Variants in MAP2K4 observed in about 807,000 individuals in gnomAD.
MAP2K4 encodes the protein mitogen-activated protein kinase kinase 4, also known as dual specificity mitogen-activated protein kinase kinase 4.
In MAP2K4, 4 loss-of-function variants were observed where a neutral mutation model predicts 48.5. That is an observed-to-expected ratio of 0.08 (90% CI 0.04 to 0.19). The LOEUF (loss-of-function observed/expected upper bound fraction) is 0.19. Ranked by LOEUF, MAP2K4 falls within the 10% of genes least tolerant of loss-of-function variation. The pLI is 1.00. For synonymous variants in MAP2K4, 166 were observed against 173.1 expected (o/e 0.96, Z 0.32); for missense variants, 258 against 493.3 (o/e 0.52, Z 4.52).
intron 9 of MAP2K4, among the ~76,000 whole-genome samples, chr17:12,131,199 C>T (rs1462299597): frequency 6.7e-6 from 1 of 150,074 alleles, no homozygotes; most frequent in African/African-American, 2.4e-5. Context: ...GAACCCATTA[C>T]GATCTGGACT....
chr17:12,032,680 T>C (rs1969477122), intron 1 of MAP2K4, among the ~76,000 whole-genome samples: 1 of 152,196 alleles, frequency 6.6e-6, no homozygotes, highest in African/African-American at 2.4e-5. Flanking sequence ...GCTTTAAGAT[T>C]GAATTATTAT....
chr17:12,044,729 CG>C (rs1969904503), intron 1 of MAP2K4, among the ~76,000 whole-genome samples: 1 of 152,212 alleles, frequency 6.6e-6, no homozygotes, highest in Admixed American at 6.5e-5. Context: ...CAGATCCCAC[CG>C]GTTGAGGGCT....
chr17:12,064,899 T>TA (rs1192883577), intron 2 of MAP2K4, among the ~76,000 whole-genome samples: 2 of 152,200 alleles, frequency 1.3e-5, no homozygotes, highest in Non-Finnish European at 2.9e-5. Flanking sequence ...AAAATACTGA[T>TA]ACCTGCAGTC....
intron 1 of MAP2K4, among the ~76,000 whole-genome samples, chr17:12,022,823 C>T (rs1260598913): frequency 6.6e-6 from 1 of 152,150 alleles, no homozygotes; most frequent in Non-Finnish European, 1.5e-5. Context: ...TAATAGAGGG[C>T]AGTCCGCTTG....
intron 1 of MAP2K4, among the ~76,000 whole-genome samples, chr17:12,051,814 T>C (rs377021003): frequency 2.0e-5 from 3 of 152,134 alleles, no homozygotes; most frequent in East Asian, 1.9e-4. Context: ...CTTTCGGTTT[T>C]GATTTTTTTG....
At chr17:12,066,761 C>G (rs1444872934) in intron 2 of MAP2K4, among the ~76,000 whole-genome samples, 1 of 152,166 alleles carries the variant, frequency 6.6e-6, no homozygotes, top group African/African-American at 2.4e-5. Context: ...GTGATCTCCG[C>G]TCACTGCAAG....
chr17:12,084,733 G>A lies in MAP2K4; in HGVS notation c.393+3203G>A, dbSNP rs139592655. On this transcript the variant is annotated intron_variant, in intron 3 of 10. Coordinates refer to ENST00000353533, the MANE Select transcript of MAP2K4 (RefSeq NM_003010.4). ...ACAACACATCAATTAACATATAGAT[G>A]AGGAGTACCTCATCTATATGTTAAC... 2.9e-3 allele frequency among the ~76,000 whole-genome samples: 449 copies of A among 152,246 alleles called. 3 individuals are homozygous for A. Among genetic ancestry groups the A allele is most frequent in the African/African-American group, 0.01 (436 of 41,550 alleles).
At chr17:12,059,055 A>G (rs1443093791) in intron 2 of MAP2K4, among the ~76,000 whole-genome samples, 2 of 152,190 alleles carry the variant, frequency 1.3e-5, no homozygotes, top group Admixed American at 6.5e-5. Flanking sequence ...TTGGAGGATG[A>G]GGAGACAACC....
chr17:12,078,150 C>G (rs1033158219), intron 2 of MAP2K4, among the ~76,000 whole-genome samples: 9 of 152,164 alleles, frequency 5.9e-5, no homozygotes, highest in African/African-American at 1.4e-4. Flanking sequence ...GGGTGCATTG[C>G]TGCCACACAT....
chr17:12,093,658 T>G (rs1425136214), intron 3 of MAP2K4, among the ~76,000 whole-genome samples: 3 of 152,184 alleles, frequency 2.0e-5, no homozygotes, highest in Non-Finnish European at 4.4e-5. Context: ...ATATTCATAC[T>G]AGTAAAAATA....
chr17:12,059,853 G>A (rs910767359), intron 2 of MAP2K4, among the ~76,000 whole-genome samples: 3 of 152,150 alleles, frequency 2.0e-5, no homozygotes, highest in African/African-American at 7.2e-5. Flanking sequence ...TAAATTGTGA[G>A]AACTGTGTCT....
chr17:12,053,843 C>T (rs543845574), intron 1 of MAP2K4, among the ~76,000 whole-genome samples: 1 of 152,110 alleles, frequency 6.6e-6, no homozygotes, highest in South Asian at 2.1e-4. Context: ...AGTTTGAACC[C>T]TCTATTAAAT....
chr17:12,107,146 C>A (rs1156835301), intron 4 of MAP2K4, among the ~76,000 whole-genome samples: 5 of 152,162 alleles, frequency 3.3e-5, no homozygotes, highest in Middle Eastern at 3.4e-3. Flanking sequence ...TTTATTGAGT[C>A]TTTGTTCTGG....
chr17:12,079,509 G>T (rs1176501426), intron 2 of MAP2K4, among the ~76,000 whole-genome samples: 1 of 152,168 alleles, frequency 6.6e-6, no homozygotes, highest in South Asian at 2.1e-4. Flanking sequence ...AAAGAAATAT[G>T]CCTACACAAA....
At chr17:12,070,991 C>T (rs35881862) in intron 2 of MAP2K4, among the ~76,000 whole-genome samples, 25,509 of 152,060 alleles carry the variant, frequency 0.17, 2,493 homozygotes, top group South Asian at 0.3. Flanking sequence ...GGGAGGATCC[C>T]CCCTTTCTTT....
intron 2 of MAP2K4, among the ~76,000 whole-genome samples, chr17:12,070,938 T>G (rs1232404281): frequency 6.6e-6 from 1 of 152,206 alleles, no homozygotes; most frequent in African/African-American, 2.4e-5. Flanking sequence ...AGGCCAGAAA[T>G]CTGAAGGTGT....
intron 7 of MAP2K4, chr17:12,115,463 C>T: frequency 1.8e-6 from 1 of 542,200 alleles, no homozygotes; most frequent in Non-Finnish European, 3.5e-6. Flanking sequence ...TATATCACAA[C>T]AGCAACTATT....
At chr17:12,137,605 T>A (rs949102488) in intron 9 of MAP2K4, among the ~76,000 whole-genome samples, 3 of 152,024 alleles carry the variant, frequency 2.0e-5, no homozygotes, top group Admixed American at 6.6e-5. Context: ...CAGTGAAGAA[T>A]CAGAACAGAT....
Position 12,054,921 on chromosome 17 carries a change from A to G in MAP2K4, c.148A>G (p.Asn50Asp). The G allele has an allele frequency of 6.2e-7, 1 of 1,612,452 alleles. No homozygotes were observed. The highest frequency in any genetic ancestry group is 1.1e-5 in the South Asian group (1 of 91,008). ...KRKALKLNFA[N>D]PPFKSTARFT... ...CAAAGCACTGAAGTTGAATTTTGCA[A>G]ATCCACCTTTCAAATCTACAGCAAG... The change falls in exon 2 of 11, where the codon AAT becomes GAT. Residue 50 changes from asparagine to aspartate, a missense_variant. Around this residue, in one of 3 missense-constraint regions of MAP2K4, gnomAD observed 132 missense variants for 352.8 expected, o/e 0.37. Transcript: ENST00000353533.
Sources: allele counts gnomAD v4.1 joint callset (sites outside exome capture counted in the v4.1 genomes callset), GRCh38; gene constraint gnomAD v4.1.1; regional missense constraint gnomAD v4.1.1; transcripts MANE v1.5; gene names NCBI Gene and HGNC (gene_info 2026-07-23, HGNC 2026-07-21).